Variants in ARL5A observed in about 807,000 individuals in gnomAD.
The protein encoded by ARL5A is ARF like GTPase 5A.
A neutral mutation model predicts 25.9 loss-of-function variants in ARL5A; 18 were observed. The ratio of observed to expected loss-of-function variants is 0.69; its 90% confidence interval spans 0.48 to 1.03. ARL5A has a LOEUF of 1.03. ARL5A is among the 50% of genes least tolerant of loss of function. The pLI is 0.00. For synonymous variants in ARL5A, 61 were observed against 67.5 expected (o/e 0.90, Z 0.47); for missense variants, 170 against 211.9 (o/e 0.80, Z 1.23).
At chr2:151,827,879 G>C in intron 1 of ARL5A, 2 of 520,328 alleles carry the variant, frequency 3.8e-6, no homozygotes, top group Non-Finnish European at 6.7e-6. Context: ...TTCGAAATCG[G>C]AGCAATGGGT....
intron 4 of ARL5A, among the ~76,000 whole-genome samples, chr2:151,810,813 A>T (rs576810303): frequency 1.3e-5 from 2 of 152,212 alleles, no homozygotes; most frequent in African/African-American, 2.4e-5. Flanking sequence ...ACTACCTGTC[A>T]ACAAAGTAAA....
chr2:151,817,732 T>C (rs2099831706), intron 1 of ARL5A, among the ~76,000 whole-genome samples: 1 of 152,236 alleles, frequency 6.6e-6, no homozygotes, highest in South Asian at 2.1e-4. Flanking sequence ...CCAGGTGTGG[T>C]GGCTCATGCC....
intron 4 of ARL5A, among the ~76,000 whole-genome samples, chr2:151,809,182 C>T (rs557255241): frequency 6.6e-6 from 1 of 152,278 alleles, no homozygotes; most frequent in South Asian, 2.1e-4. Context: ...GTGCTGAAGT[C>T]TTATATAGGT....
At position 151,828,148 on chromosome 2, in the gene ARL5A, C is replaced by T. The variant is rs2099833344; in HGVS notation, c.29G>A (p.Arg10Lys). The T allele has an allele frequency of 1.2e-6, 2 of 1,609,748 alleles. No individual in the cohort carries two copies. The highest frequency in any genetic ancestry group is 1.7e-6 in the Non-Finnish European group (2 of 1,178,018). ...CTCCTCACCCTGGTGATTGAACAGT[C>T]TCCATATTCTAGTGAAGAGAATTCC... MGILFTRIW[R>K]LFNHQEHKVI... Residue 10 changes from arginine to lysine, a missense_variant, in exon 1 of 6, where the codon AGA becomes AAA. Arg to Lys is a conservative substitution (Grantham distance 26, BLOSUM62 2). Coordinates refer to ENST00000295087, the MANE Select transcript of ARL5A (RefSeq NM_012097.4).
intron 1 of ARL5A, among the ~76,000 whole-genome samples, chr2:151,817,386 G>T (rs567547624): frequency 1.3e-5 from 2 of 152,192 alleles, no homozygotes; most frequent in East Asian, 3.9e-4. Context: ...CATAAAGTAG[G>T]TACTCAATAA....
intron 4 of ARL5A, among the ~76,000 whole-genome samples, chr2:151,807,443 A>G (rs571863068): frequency 7.2e-5 from 11 of 152,272 alleles, no homozygotes; most frequent in African/African-American, 2.2e-4. Context: ...TTTCTCTTGC[A>G]TGTATTTCCT....
rs2099829498 is a variant in ARL5A at position 151,802,103 on chromosome 2, T to C, written c.*1173A>G. 1.3e-5 allele frequency: 2 copies of C among 152,098 alleles called. No homozygotes were observed. The highest frequency in any genetic ancestry group is 4.1e-4 in the South Asian group (2 of 4,834). 9.4% of individuals were successfully genotyped at this position (152,098 alleles called of 1,614,324 possible). A position where few individuals can be genotyped will look rare whatever the true frequency, so the allele number is the denominator to read the frequency against. ...GTCAATGCATTTATGTAATAGAAGATACAACAAAATTTAGAAATAAAAAAT... is the reference window on the plus strand; with the variant it reads ...GTCAATGCATTTATGTAATAGAAGACACAACAAAATTTAGAAATAAAAAAT... On this transcript the variant is annotated 3_prime_UTR_variant, in exon 6 of 6. Transcript: ENST00000295087.
At chr2:151,812,307 C>T (rs772467794) in intron 4 of ARL5A, 50 bp downstream of exon 4, 43 of 1,285,618 alleles carry the variant, frequency 3.3e-5, no homozygotes, top group Non-Finnish European at 4.3e-5. Flanking sequence ...AACAAAGTAT[C>T]GATTCCCATA....
chr2:151,819,571 T>TAAA (rs1399454546), intron 1 of ARL5A, among the ~76,000 whole-genome samples: 2 of 152,122 alleles, frequency 1.3e-5, no homozygotes, highest in Non-Finnish European at 2.9e-5. Flanking sequence ...GTGGAAAAAC[T>TAAA]ATATAGCCTC....
chr2:151,803,185 A>G lies in ARL5A; in HGVS notation c.*91T>C, dbSNP rs2099829656. ...TAGAAAAAGTTTAAATCAGTTTATT[A>G]TAAATATATCTAAACCATTAATTTT... On this transcript the variant is annotated 3_prime_UTR_variant, in exon 6 of 6. Coordinates refer to ENST00000295087, the MANE Select transcript of ARL5A (RefSeq NM_012097.4). 1.2e-6 allele frequency: 1 copy of G among 846,804 alleles called. No individual in the cohort carries two copies. Among genetic ancestry groups the G allele is most frequent in the Non-Finnish European group, 1.8e-6 (1 of 545,870 alleles). The allele number at this position is 846,804 out of a possible 1,614,324, so 52.5% of individuals were successfully genotyped here.
In ARL5A at chr2:151,803,008, A is replaced by C. The variant is rs2099829634; in HGVS notation, c.*268T>G. ...GTCTTCCTCTCCCTTTGTACTTACC[A>C]TAGGCTACACAATGTCCTGAGAGGA... On this transcript the variant is annotated 3_prime_UTR_variant, in exon 6 of 6. Transcript: ENST00000295087. 1 of 370,754 alleles carries C rather than the reference A, an allele frequency of 2.7e-6. No individual in the cohort carries two copies. Among genetic ancestry groups the C allele is most frequent in the African/African-American group, 2.1e-5 (1 of 47,160 alleles). 23.0% of individuals were successfully genotyped at this position (370,754 alleles called of 1,614,324 possible).
At position 151,814,182 on chromosome 2, in the gene ARL5A, T is replaced by C. The variant is rs757315405; in HGVS notation, c.242A>G (p.Tyr81Cys). 5.6e-6 allele frequency: 9 copies of C among 1,597,540 alleles called. No homozygotes were observed. Among genetic ancestry groups the C allele is most frequent in the Middle Eastern group, 2.2e-4 (1 of 4,524 alleles). The part of the protein sequence containing the change: ...ESLRSSWNTY[Y>C]TNTEFVIVVV... ...AAGAAACATTACCTCTGTGTTAGTA[T>C]AGTAAGTGTTCCAGGAAGAACGAAG... is the stretch of plus-strand genomic sequence containing the variant. The change falls in exon 3 of 6, where the codon TAT becomes TGT. Residue 81 changes from tyrosine to cysteine, a missense_variant. By Grantham distance (194) the Tyr-to-Cys change is radical. Coordinates refer to ENST00000295087, the MANE Select transcript of ARL5A (RefSeq NM_012097.4).
intron 1 of ARL5A, 93 bp from the exon 2 acceptor site, chr2:151,815,292 AT>A: frequency 2.0e-6 from 2 of 1,004,338 alleles, no homozygotes; most frequent in South Asian, 3.0e-5. Context: ...TCACCCTTCT[AT>A]CTATGGCATA....
At chr2:151,803,941 A>G (rs927527751) in intron 5 of ARL5A, among the ~76,000 whole-genome samples, 1 of 152,214 alleles carries the variant, frequency 6.6e-6, no homozygotes, top group Non-Finnish European at 1.5e-5. Context: ...TAATAGGAAA[A>G]TAATTTTTGT....
chr2:151,804,725 G>C (rs965139013), intron 5 of ARL5A, among the ~76,000 whole-genome samples: 18 of 152,150 alleles, frequency 1.2e-4, no homozygotes, highest in Admixed American at 1.1e-3. Context: ...ACAACACTGA[G>C]ATCAGAATCC....
At position 151,800,605 on chromosome 2, in the gene ARL5A, A is replaced by G. The variant is rs911947067; in HGVS notation, c.*2671T>C. 1 of 152,182 alleles carries G rather than the reference A, an allele frequency of 6.6e-6. No individual in the cohort carries two copies. The allele number at this position is 152,182 out of a possible 1,614,324, so 9.4% of individuals were successfully genotyped here. On this transcript the variant is annotated 3_prime_UTR_variant, in exon 6 of 6. Coordinates refer to ENST00000295087, the MANE Select transcript of ARL5A (RefSeq NM_012097.4). Reference sequence around the variant, plus strand: ...CCCCTATACAACCTGCCTTCGTTGTATCCTTTGCCCATTATGAGGACCAAG... The same window carrying G: ...CCCCTATACAACCTGCCTTCGTTGTGTCCTTTGCCCATTATGAGGACCAAG...
chr2:151,812,422 C>T lies in ARL5A; in HGVS notation c.274G>A (p.Asp92Asn). 6.3e-7 allele frequency: 1 copy of T among 1,588,956 alleles called. No homozygotes were observed. The highest frequency in any genetic ancestry group is 1.2e-5 in the South Asian group (1 of 86,036). Residue 92 changes from aspartate (D) to asparagine (N), a missense_variant, in exon 4 of 6, where the codon GAC (aspartate) becomes AAC (asparagine). By Grantham distance (23) the Asp-to-Asn change is conservative. Coordinates refer to ENST00000295087, the MANE Select transcript of ARL5A (RefSeq NM_012097.4). The stretch of plus-strand genomic sequence containing the variant: ...GAAATCCTCTCTCTGTCTGTACTGT[C>T]CACAACAACTATTACAAACTAAAAT... ...TNTEFVIVVV[D>N]STDRERISVT...
intron 4 of ARL5A, among the ~76,000 whole-genome samples, chr2:151,808,892 A>C (rs566654769): frequency 6.6e-6 from 1 of 152,298 alleles, no homozygotes; most frequent in Non-Finnish European, 1.5e-5. Flanking sequence ...AACTGAAAAT[A>C]TAAAAATCAG....
At chr2:151,821,777 TTTTTTTTTTTTC>T (rs1212272640) in intron 1 of ARL5A, among the ~76,000 whole-genome samples, 1 of 114,720 alleles carries the variant, frequency 8.7e-6, no homozygotes, top group African/African-American at 3.7e-5. Context: ...CCGGCTTTCT[TTTTTTTTTTTTC>T]TTTTTTTTTT....
Sources: allele counts gnomAD v4.1 joint callset (sites outside exome capture counted in the v4.1 genomes callset), GRCh38; gene constraint gnomAD v4.1.1; transcripts MANE v1.5; gene names NCBI Gene and HGNC (gene_info 2026-07-23, HGNC 2026-07-21).